The following CEP85L variants were observed in gnomAD, a reference collection of about 807,000 sequenced individuals.
The protein encoded by CEP85L is centrosomal protein of 85 kDa-like.
CEP85L carries 60 observed loss-of-function variants against 100.3 expected under a neutral mutation model. That is an observed-to-expected ratio of 0.60 (90% confidence interval 0.49 to 0.74). The LOEUF (loss-of-function observed/expected upper bound fraction) is 0.74, where lower values mean the gene tolerates loss of function less well. CEP85L is among the 30% of genes least tolerant of loss of function. CEP85L has a pLI of 0.00. For missense variants in CEP85L, 973 were observed against 936.2 expected, an observed-to-expected ratio of 1.04 and a Z score of -0.51; for synonymous variants, 319 against 322.7, an observed-to-expected ratio of 0.99 and a Z score of 0.12.
intron 10 of CEP85L, among the ~76,000 whole-genome samples, chr6:118,478,484 T>C (rs1773549653): frequency 6.6e-6 from 1 of 152,104 alleles, no homozygotes; most frequent in Admixed American, 6.6e-5. Context: ...TCTGTGTCTC[T>C]AGATCTGAAA....
At chr6:118,593,719 A>G (rs931648333) in intron 2 of CEP85L, among the ~76,000 whole-genome samples, 1 of 151,948 alleles carries the variant, frequency 6.6e-6, no homozygotes, top group African/African-American at 2.4e-5. Flanking sequence ...TGATTTCCCA[A>G]ATATCTCCGA....
Position 118,559,330 on chromosome 6 carries a change from T to C in CEP85L, c.1020+6199A>G, listed in dbSNP as rs79199092. 475 of 472,268 alleles carry C rather than the reference T, an allele frequency of 1.0e-3. 5 individuals carry two copies. In the East Asian group the frequency reaches 0.019, roughly 18 times the overall value. 29.3% of individuals were successfully genotyped at this position (472,268 alleles called of 1,614,324 possible). On this transcript the variant is annotated intron_variant, in intron 3 of 12. Coordinates refer to ENST00000368491, the MANE Select transcript of CEP85L (RefSeq NM_001042475.3). Reference sequence around the variant, plus strand: ...TAAGTGTATAAAATGCAACTGTTGATTTCCTCAACATGGCTCACAAATTTC... The same window carrying C: ...TAAGTGTATAAAATGCAACTGTTGACTTCCTCAACATGGCTCACAAATTTC...
chr6:118,597,798 A>C (rs1781531732), intron 2 of CEP85L, among the ~76,000 whole-genome samples: 1 of 152,206 alleles, frequency 6.6e-6, no homozygotes, highest in Non-Finnish European at 1.5e-5. Flanking sequence ...AGCCATTGTC[A>C]TGAAAAAGGC....
At chr6:118,485,386 G>A (rs1169478304) in intron 6 of CEP85L, among the ~76,000 whole-genome samples, 1 of 137,678 alleles carries the variant, frequency 7.3e-6, no homozygotes, top group Non-Finnish European at 1.6e-5. Context: ...TTTTTTTCAG[G>A]TCTAATGTAT....
intron 1 of CEP85L, among the ~76,000 whole-genome samples, chr6:118,645,949 G>T (rs1186474323): frequency 6.6e-6 from 1 of 152,204 alleles, no homozygotes; most frequent in African/African-American, 2.4e-5. Context: ...GCCAGGCGTG[G>T]TGGCTCACGC....
At chr6:118,554,266 G>A (rs1778718989) in intron 3 of CEP85L, among the ~76,000 whole-genome samples, 1 of 152,076 alleles carries the variant, frequency 6.6e-6, no homozygotes, top group Non-Finnish European at 1.5e-5. Context: ...CAGCCTGGGT[G>A]ACAGAGCAAG....
At chr6:118,667,506 G>A (rs2115419170) in intron 1 of CEP85L, among the ~76,000 whole-genome samples, 1 of 152,282 alleles carries the variant, frequency 6.6e-6, no homozygotes, top group African/African-American at 2.4e-5. Context: ...TGTGCTCCTA[G>A]GGCCTCATTT....
At chr6:118,465,712 C>T (rs1009908986) in intron 12 of CEP85L, 144 bp from the exon 13 acceptor site, 14 of 682,208 alleles carry the variant, frequency 2.1e-5, no homozygotes, top group Non-Finnish European at 3.1e-5. Flanking sequence ...TTAAATCATG[C>T]ATCATTCAAT....
At chr6:118,551,563 C>A (rs574641729) in intron 3 of CEP85L, among the ~76,000 whole-genome samples, 2 of 151,976 alleles carry the variant, frequency 1.3e-5, no homozygotes, top group African/African-American at 4.8e-5. Flanking sequence ...AACCTACAGA[C>A]AATATAGCAA....
intron 2 of CEP85L, among the ~76,000 whole-genome samples, chr6:118,599,497 C>T (rs1263340463): frequency 1.3e-5 from 2 of 152,102 alleles, no homozygotes; most frequent in African/African-American, 2.4e-5. Flanking sequence ...CAGAAGAATT[C>T]CAAATCATAT....
At chr6:118,668,725 G>C (rs1211103699) in intron 1 of CEP85L, among the ~76,000 whole-genome samples, 2 of 152,160 alleles carry the variant, frequency 1.3e-5, no homozygotes, top group East Asian at 1.9e-4. Flanking sequence ...AAAATAAAGG[G>C]AACAGAACAA....
At chr6:118,550,368 A>T (rs993349090) in intron 3 of CEP85L, among the ~76,000 whole-genome samples, 2 of 151,816 alleles carry the variant, frequency 1.3e-5, no homozygotes, top group Non-Finnish European at 3.0e-5. Flanking sequence ...TGTACACTAA[A>T]TTATGTAATA....
intron 4 of CEP85L, among the ~76,000 whole-genome samples, chr6:118,520,305 A>C (rs1003812929): frequency 3.9e-5 from 6 of 152,248 alleles, no homozygotes; most frequent in Non-Finnish European, 8.8e-5. Context: ...AAACAATCCT[A>C]TTGAATCTAC....
chr6:118,707,838 CA>C (rs1777645463), intron 1 of CEP85L, among the ~76,000 whole-genome samples: 1 of 152,150 alleles, frequency 6.6e-6, no homozygotes. Flanking sequence ...TAAAGATACT[CA>C]AGCTCACTTA....
chr6:118,461,574 A>C lies in CEP85L; in HGVS notation c.*3831T>G, dbSNP rs1287428528. ...TGCAATAGTGTTATTAGACTTGCTG[A>C]TTTAAAACTATATTCTTATATTTAG... On this transcript the variant is annotated 3_prime_UTR_variant, in exon 13 of 13. Transcript: ENST00000368491. The C allele has an allele frequency of 6.6e-6, 1 of 152,084 alleles. No individual in the cohort carries two copies. The highest frequency in any genetic ancestry group is 1.5e-5 in the Non-Finnish European group (1 of 67,960). The allele number at this position is 152,084 out of a possible 1,614,324, so 9.4% of individuals were successfully genotyped here.
Position 118,632,331 on chromosome 6 carries a change from A to G in CEP85L, c.232+122T>C, listed in dbSNP as rs968570549. 3.8e-5 allele frequency: 31 copies of G among 812,096 alleles called. 1 individual carries two copies. The East Asian group carries it at 6.7e-4, about 17-fold the overall frequency. 50.3% of individuals were successfully genotyped at this position (812,096 alleles called of 1,614,324 possible). A position where few individuals can be genotyped will look rare whatever the true frequency, so the allele number is the denominator to read the frequency against. ...TATTTGATATACAGCAACACTGAACATTATTAAATATTCAAACACTATAAT... is the reference window on the plus strand; with the variant it reads ...TATTTGATATACAGCAACACTGAACGTTATTAAATATTCAAACACTATAAT... On this transcript the variant is annotated intron_variant, in intron 2 of 12. Transcript: ENST00000368491.
At chr6:118,501,518 A>G (rs1775300057) in intron 5 of CEP85L, 3 of 483,606 alleles carry the variant, frequency 6.2e-6, no homozygotes, top group South Asian at 1.6e-5. Flanking sequence ...CTACTCCATC[A>G]TCATTAAACA....
intron 3 of CEP85L, among the ~76,000 whole-genome samples, chr6:118,536,750 A>C (rs1777618300): frequency 6.6e-6 from 1 of 152,188 alleles, no homozygotes; most frequent in African/African-American, 2.4e-5. Flanking sequence ...GTTGATAACA[A>C]CCTACAAGCT....
At chr6:118,704,595 C>T (rs558064488) in intron 1 of CEP85L, among the ~76,000 whole-genome samples, 104 of 152,280 alleles carry the variant, frequency 6.8e-4, no homozygotes, top group African/African-American at 2.3e-3. Context: ...CTCAGCCTTC[C>T]GAGTAGCTGG....
Sources: gnomAD v4.1 joint callset for allele counts (sites outside exome capture counted in the v4.1 genomes callset) on GRCh38, gnomAD v4.1.1 for gene constraint, MANE v1.5 for transcripts, NCBI Gene and HGNC (gene_info 2026-07-23, HGNC 2026-07-21) for gene names.